The following HPSE2 variants were observed in gnomAD, a reference collection of about 807,000 sequenced individuals.
The protein encoded by HPSE2 is inactive heparanase-2.
HPSE2 carries 38 observed loss-of-function variants against 60.5 expected under a neutral mutation model. That is an observed-to-expected ratio of 0.63 (90% CI 0.48 to 0.82). HPSE2 has a LOEUF of 0.82. Among genes scored for constraint, HPSE2 ranks in the 40% least tolerant of loss-of-function variants. The pLI is 0.00. For synonymous variants in HPSE2, 295 were observed against 293.2 expected, an observed-to-expected ratio of 1.01 and a Z score of -0.06; for missense variants, 713 against 740.4, an observed-to-expected ratio of 0.96 and a Z score of 0.43.
chr10:98,780,332 TTAAA>T (rs1350928836), intron 3 of HPSE2, among the ~76,000 whole-genome samples: 5 of 152,184 alleles, frequency 3.3e-5, no homozygotes, highest in African/African-American at 1.2e-4. Flanking sequence ...TTGGCAATGA[TTAAA>T]TAAATAGCTA....
At chr10:99,117,743 A>C (rs1319004306) in intron 3 of HPSE2, among the ~76,000 whole-genome samples, 5 of 152,112 alleles carry the variant, frequency 3.3e-5, no homozygotes, top group Non-Finnish European at 7.4e-5. Flanking sequence ...CACCCCAAAA[A>C]AGCCCAGGAA....
rs1306776851 is a variant in HPSE2 at position 98,727,056 on chromosome 10, G to A, written c.785-5228C>T. Among the ~76,000 whole-genome samples the A allele has an allele frequency of 2.0e-5, 3 of 151,728 alleles. 1 individual carries two copies. The highest frequency in any genetic ancestry group is 2.0e-4 in the Admixed American group (3 of 15,246). ...ATGTTGACTCAAGTGCAACCCCCAG[G>A]AGACTTGTCTTAACAATTAAAAAAT... On this transcript the variant is annotated intron_variant, in intron 4 of 11. Coordinates refer to ENST00000370552, the MANE Select transcript of HPSE2 (RefSeq NM_021828.5).
chr10:98,541,813 A>G (rs191197776), intron 9 of HPSE2, among the ~76,000 whole-genome samples: 4 of 152,224 alleles, frequency 2.6e-5, no homozygotes, highest in Admixed American at 1.3e-4. Context: ...CAAAGCAGCC[A>G]GGAAGCTGGA....
intron 3 of HPSE2, among the ~76,000 whole-genome samples, chr10:99,054,492 G>C (rs1255378055): frequency 1.3e-5 from 2 of 152,112 alleles, no homozygotes; most frequent in East Asian, 3.9e-4. Flanking sequence ...CCACAACAGA[G>C]ACACAGTTTG....
chr10:99,195,617 A>T (rs1589806710), intron 2 of HPSE2, among the ~76,000 whole-genome samples: 2 of 152,198 alleles, frequency 1.3e-5, no homozygotes, highest in South Asian at 2.1e-4. Flanking sequence ...CAGTAGCAAG[A>T]AATAAAATAA....
chr10:99,232,214 T>TACAC lies in HPSE2; in HGVS notation c.448+130_448+133dup, dbSNP rs59437000. ...ATCTGCCCCAACGCGCGCGCGCGCA[T>TACAC]ACACACACACACACACACACACACA... On this transcript the variant is annotated intron_variant, in intron 2 of 11. Coordinates refer to ENST00000370552, the MANE Select transcript of HPSE2 (RefSeq NM_021828.5). 18,827 of 894,388 alleles carry TACAC rather than the reference T, an allele frequency of 0.021. 309 individuals carry two copies. Among genetic ancestry groups the TACAC allele is most frequent in the African/African-American group, 0.095 (5,206 of 54,754 alleles). The allele number at this position is 894,388 out of a possible 1,614,324, so 55.4% of individuals were successfully genotyped here. A position where few individuals can be genotyped will look rare whatever the true frequency, so the allele number is the denominator to read the frequency against.
chr10:99,153,106 C>A (rs1846351319), intron 2 of HPSE2, among the ~76,000 whole-genome samples: 1 of 152,238 alleles, frequency 6.6e-6, no homozygotes, highest in Non-Finnish European at 1.5e-5. Flanking sequence ...GTCCTACGCC[C>A]ACGGAGTCTC....
the HPSE2 span, among the ~76,000 whole-genome samples, chr10:99,298,516 A>G: frequency 6.6e-6 from 1 of 151,992 alleles, no homozygotes. Flanking sequence ...AAAAGAAAAA[A>G]CTCATTTACT....
intron 2 of HPSE2, among the ~76,000 whole-genome samples, chr10:99,165,626 A>C (rs757743747): frequency 1.3e-5 from 2 of 150,324 alleles, no homozygotes; most frequent in Non-Finnish European, 3.0e-5. Flanking sequence ...GGCTCACTGC[A>C]ACCTCCACCT....
intron 2 of HPSE2, among the ~76,000 whole-genome samples, chr10:99,216,342 C>T (rs980261257): frequency 1.3e-5 from 2 of 152,010 alleles, no homozygotes; most frequent in Non-Finnish European, 2.9e-5. Context: ...TTACAAGCGC[C>T]TGCCACCATG....
At chr10:98,460,333 A>G (rs1940233474) in intron 11 of HPSE2, among the ~76,000 whole-genome samples, 1 of 151,964 alleles carries the variant, frequency 6.6e-6, no homozygotes. Flanking sequence ...TTCTAATTTA[A>G]GAATGAGTTT....
intron 3 of HPSE2, among the ~76,000 whole-genome samples, chr10:98,832,419 A>C (rs837727): frequency 1.3e-5 from 2 of 152,136 alleles, no homozygotes; most frequent in African/African-American, 4.8e-5. Context: ...ATCGTCAAAT[A>C]GTAAAGAGTT....
intron 9 of HPSE2, among the ~76,000 whole-genome samples, chr10:98,610,372 T>C (rs1289265255): frequency 6.6e-6 from 1 of 151,966 alleles, no homozygotes; most frequent in East Asian, 1.9e-4. Flanking sequence ...CCAGTAAGAG[T>C]TAGAGTTTCC....
intron 3 of HPSE2, among the ~76,000 whole-genome samples, chr10:99,105,208 T>C (rs1292583605): frequency 6.6e-6 from 1 of 152,166 alleles, no homozygotes; most frequent in African/African-American, 2.4e-5. Context: ...TCCCTGGTAG[T>C]AACTGTAACA....
At chr10:98,691,118 C>T (rs918583987) in intron 6 of HPSE2, among the ~76,000 whole-genome samples, 6 of 152,104 alleles carry the variant, frequency 3.9e-5, no homozygotes, top group Non-Finnish European at 8.8e-5. Flanking sequence ...ATTGAAGAAA[C>T]GTGGCATTTG....
chr10:98,967,094 G>T (rs888126134), intron 3 of HPSE2, among the ~76,000 whole-genome samples: 1 of 152,202 alleles, frequency 6.6e-6, no homozygotes, highest in East Asian at 1.9e-4. Flanking sequence ...ATTAGGAGAA[G>T]GGGGTAGACT....
At chr10:98,459,847 T>G in intron 11 of HPSE2, 108 bp from the exon 12 acceptor site, 1 of 1,011,490 alleles carries the variant, frequency 9.9e-7, no homozygotes, top group Non-Finnish European at 1.5e-6. Flanking sequence ...CACACACAGC[T>G]GACACTTATT....
At chr10:99,172,212 G>A (rs139465133) in intron 2 of HPSE2, among the ~76,000 whole-genome samples, 1,914 of 152,166 alleles carry the variant, frequency 0.013, 17 homozygotes, top group Non-Finnish European at 0.019. Flanking sequence ...AGTCCCCAGC[G>A]TGTACTGCTG....
chr10:99,021,347 C>A (rs954621940), intron 3 of HPSE2, among the ~76,000 whole-genome samples: 1 of 152,058 alleles, frequency 6.6e-6, no homozygotes, highest in Admixed American at 6.6e-5. Flanking sequence ...ACTCTTATTT[C>A]ATAGATGAGA....
Sources: gnomAD v4.1 joint callset for allele counts (sites outside exome capture counted in the v4.1 genomes callset) on GRCh38, gnomAD v4.1.1 for gene constraint, MANE v1.5 for transcripts, NCBI Gene and HGNC (gene_info 2026-07-23, HGNC 2026-07-21) for gene names.